CHRNG: variants seen among roughly 807,000 people sequenced by gnomAD.
The protein encoded by CHRNG is cholinergic receptor nicotinic gamma subunit, also known as acetylcholine receptor subunit gamma.
CHRNG carries 72 observed loss-of-function variants against 65.2 expected under a neutral mutation model. That is an observed-to-expected ratio of 1.10 (90% CI 0.91 to 1.34). The LOEUF is 1.34. CHRNG is among the 40% of genes most tolerant of loss of function. CHRNG has a pLI of 0.00. For synonymous variants in CHRNG, 284 were observed against 290.2 expected, an observed-to-expected ratio of 0.98 and a Z score of 0.22; for missense variants, 637 against 680.1, an observed-to-expected ratio of 0.94 and a Z score of 0.70.
Position 232,541,396 on chromosome 2 carries a change from G to A in CHRNG, c.373G>A (p.Ala125Thr). 1 of 1,614,058 alleles carries A rather than the reference G, an allele frequency of 6.2e-7. No homozygotes were observed. Among genetic ancestry groups the A allele is most frequent in the Non-Finnish European group, 8.5e-7 (1 of 1,179,986 alleles). ...ENNVDGVFEV[A>T]LYCNVLVSPD... is the part of the protein sequence containing the mutation. The stretch of plus-strand genomic sequence containing the variant: ...CAGCGTGGACGGTGTCTTCGAGGTG[G>A]CCCTCTACTGCAATGTGCTCGTGTC... The change falls in exon 5 of 12, where the codon GCC (alanine) becomes ACC (threonine). Residue 125 changes from alanine to threonine, a missense_variant. Coordinates refer to ENST00000651502, the MANE Select transcript of CHRNG (RefSeq NM_005199.5). This position sits in a 1 kb window ranked among gnomAD's most constrained non-coding sequence, Gnocchi z 4.0.
intron 8 of CHRNG, 81 bp downstream of exon 8, chr2:232,543,470 C>A (rs1330674440): frequency 8.1e-7 from 1 of 1,241,676 alleles, no homozygotes; most frequent in Non-Finnish European, 1.2e-6. Flanking sequence ...TGCCCTCTTG[C>A]CCTCCATCCA....
At position 232,544,355 on chromosome 2, in the gene CHRNG, C is replaced by G. The variant is rs769284436; in HGVS notation, c.1036-12C>G. On this transcript the variant is annotated splice_polypyrimidine_tract_variant and intron_variant, in intron 9 of 11. Transcript: ENST00000651502. ...TCGGCCTGCTGCCCTAGTGAAGCCA[C>G]CCCCTCTCTAGGTGTTCCTGAGGCT... is the stretch of plus-strand genomic sequence containing the variant. 2 of 1,606,010 alleles carry G rather than the reference C, an allele frequency of 1.2e-6. No homozygotes were observed. The highest frequency in any genetic ancestry group is 1.1e-5 in the South Asian group (1 of 90,962).
chr2:232,541,472 G>A lies in CHRNG; in HGVS notation c.449G>A (p.Cys150Tyr). ...WLPPAIFRSA[C>Y]SISVTYFPFD... ...CCGCCTGCCATCTTCCGTTCCGCCT[G>A]CTCTATCTCAGTCACCTACTTCCCC... Residue 150 changes from cysteine to tyrosine, a missense_variant, in exon 5 of 12, where the codon TGC becomes TAC. By Grantham distance (194) the Cys-to-Tyr change is radical. Coordinates refer to ENST00000651502, the MANE Select transcript of CHRNG (RefSeq NM_005199.5). This position sits in a 1 kb window ranked among gnomAD's most constrained non-coding sequence, Gnocchi z 4.0. 1 of 1,614,142 alleles carries A rather than the reference G, an allele frequency of 6.2e-7. No individual in the cohort carries two copies. The highest frequency in any genetic ancestry group is 8.5e-7 in the Non-Finnish European group (1 of 1,179,988).
Position 232,542,916 on chromosome 2 carries a change from C to T in CHRNG, c.639C>T (p.Ala213=). 6.2e-7 allele frequency: 1 copy of T among 1,614,164 alleles called. No homozygotes were observed. The highest frequency in any genetic ancestry group is 8.5e-7 in the Non-Finnish European group (1 of 1,180,018). ...NGEWAIQHRP[A]KMLLDPAAPA... ...AGTGGGCCATCCAGCACCGACCAGCCAAGATGCTCCTGGACCCAGCGGCGC... is the reference window on the plus strand; with the variant it reads ...AGTGGGCCATCCAGCACCGACCAGCTAAGATGCTCCTGGACCCAGCGGCGC... Residue 213 remains alanine (A), a synonymous_variant, in exon 7 of 12, where the codon GCC becomes GCT. Coordinates refer to ENST00000651502, the MANE Select transcript of CHRNG (RefSeq NM_005199.5).
rs780703045 is a variant in CHRNG, at chr2:232,540,759, T to G, written c.350+48T>G. On this transcript the variant is annotated intron_variant, in intron 4 of 11. Transcript: ENST00000651502. The surrounding 1 kb of genome is among the most constrained non-coding windows in gnomAD (Gnocchi z 4.2). ...GGTGTGGGGGACAAAGGACACAGGGTCTGGGCCCAGCAGAACAAGGCACTC... is the reference window on the plus strand; with the variant it reads ...GGTGTGGGGGACAAAGGACACAGGGGCTGGGCCCAGCAGAACAAGGCACTC... The G allele has an allele frequency of 6.6e-7, 1 of 1,525,816 alleles. No individual in the cohort carries two copies. Among genetic ancestry groups the G allele is most frequent in the African/African-American group, 1.4e-5 (1 of 73,082 alleles). The allele number at this position is 1,525,816 out of a possible 1,614,324, so 94.5% of individuals were successfully genotyped here.
At chr2:232,542,286 T>G in intron 5 of CHRNG, 137 bp from the exon 6 acceptor site, 1 of 690,536 alleles carries the variant, frequency 1.4e-6, no homozygotes. Flanking sequence ...CCAGTGGGGT[T>G]TTATAGAGAA....
Position 232,544,891 on chromosome 2 carries a change from C to T in CHRNG, c.1369C>T (p.His457Tyr), listed in dbSNP as rs1273274839. 1 of 1,613,808 alleles carries T rather than the reference C, an allele frequency of 6.2e-7. No individual in the cohort carries two copies. The highest frequency in any genetic ancestry group is 1.3e-5 in the African/African-American group (1 of 74,886). ...LIACARHQQS[H>Y]FDNGNEEWFL... ...TGCCTGTGCCCGGCACCAGCAGAGT[C>T]ACTTTGACAATGTAAGCTGAGTCAG... Residue 457 changes from histidine to tyrosine, a missense_variant, in exon 11 of 12, where the codon CAC becomes TAC. Coordinates refer to ENST00000651502, the MANE Select transcript of CHRNG (RefSeq NM_005199.5).
At chr2:232,542,836 A>T in intron 6 of CHRNG, 46 bp from the exon 7 acceptor site, 1 of 1,542,376 alleles carries the variant, frequency 6.5e-7, no homozygotes, top group Non-Finnish European at 8.9e-7. Flanking sequence ...GGATCTGCCT[A>T]GCTCACGCTT....
rs2106225173 is a variant in CHRNG, at chr2:232,548,003, GT to G, written c.*2290del. The G allele has an allele frequency of 2.1e-6, 1 of 471,524 alleles. No individual in the cohort carries two copies. Among genetic ancestry groups the G allele is most frequent in the Non-Finnish European group, 3.7e-6 (1 of 270,060 alleles). The allele number at this position is 471,524 out of a possible 1,614,324, so 29.2% of individuals were successfully genotyped here. A position where few individuals can be genotyped will look rare whatever the true frequency, so the allele number is the denominator to read the frequency against. On this transcript the variant is annotated 3_prime_UTR_variant, in exon 12 of 12. Coordinates refer to ENST00000651502, the MANE Select transcript of CHRNG (RefSeq NM_005199.5). ...GTTTCCCAATGCATATAAAAGTTAT[GT>G]TTACACTATACTGTAGACCAGCAAG... is the stretch of plus-strand genomic sequence containing the variant.
chr2:232,546,835 T>C lies in CHRNG; in HGVS notation c.*1119T>C, dbSNP rs1692142436. ...CTACGGCCTGAAAAACAGGCCCTTC[T>C]TCCCAAAGGATGGTTAAGACAAGGA... On this transcript the variant is annotated 3_prime_UTR_variant, in exon 12 of 12. Transcript: ENST00000651502. Among the ~76,000 whole-genome samples, 1 of 152,200 alleles carries C rather than the reference T, an allele frequency of 6.6e-6. No homozygotes were observed. Among genetic ancestry groups the C allele is most frequent in the Non-Finnish European group, 1.5e-5 (1 of 68,038 alleles).
At chr2:232,542,776 G>A (rs1299988204) in intron 6 of CHRNG, 106 bp from the exon 7 acceptor site, 3 of 1,002,686 alleles carry the variant, frequency 3.0e-6, no homozygotes, top group East Asian at 2.6e-5. Flanking sequence ...TCCCCTGCTG[G>A]TGCTCCTTAG....
chr2:232,544,059 C>G (rs1368012579), intron 9 of CHRNG, among the ~76,000 whole-genome samples: 1 of 152,210 alleles, frequency 6.6e-6, no homozygotes, highest in African/African-American at 2.4e-5. Context: ...TGTAGCCCAC[C>G]TGCAGCCTTC....
At position 232,541,923 on chromosome 2, in the gene CHRNG, C is replaced by T. The variant is rs989450744; in HGVS notation, c.506+394C>T. 16 of 343,718 alleles carry T rather than the reference C, an allele frequency of 4.7e-5. No homozygotes were observed. The highest frequency in any genetic ancestry group is 9.1e-4 in the Middle Eastern group (1 of 1,100). 21.3% of individuals were successfully genotyped at this position (343,718 alleles called of 1,614,324 possible). ...AGAGGGGCCCTGGCAGGGAATCCAG[C>T]GGAAGCATGTATGCAACCAAGCCAC... On this transcript the variant is annotated intron_variant, in intron 5 of 11. Transcript: ENST00000651502. The surrounding 1 kb of genome is among the most constrained non-coding windows in gnomAD (Gnocchi z 4.0).
intron 9 of CHRNG, 81 bp from the exon 10 acceptor site, chr2:232,544,286 C>T: frequency 9.5e-7 from 1 of 1,050,798 alleles, no homozygotes; most frequent in Non-Finnish European, 1.5e-6. Flanking sequence ...TGGTCCCTAG[C>T]AGCACAAGCC....
In CHRNG at chr2:232,545,813, T is replaced by C. The variant is rs951485221; in HGVS notation, c.*97T>C. On this transcript the variant is annotated 3_prime_UTR_variant, in exon 12 of 12. Transcript: ENST00000651502. ...CCTACTGAGGTCCTAAGTGTGCTCT[T>C]TGGGAAGTGCCCTTCAGGACTGTGT... is the stretch of plus-strand genomic sequence containing the variant. 5 of 1,378,724 alleles carry C rather than the reference T, an allele frequency of 3.6e-6. No individual in the cohort carries two copies. In the East Asian group the frequency reaches 1.1e-4, roughly 32 times the overall value. The allele number at this position is 1,378,724 out of a possible 1,614,324, so 85.4% of individuals were successfully genotyped here. A position where few individuals can be genotyped will look rare whatever the true frequency, so the allele number is the denominator to read the frequency against.
Position 232,545,842 on chromosome 2 carries a change from C to A in CHRNG, c.*126C>A. 1 of 1,082,840 alleles carries A rather than the reference C, an allele frequency of 9.2e-7. No individual in the cohort carries two copies. Among genetic ancestry groups the A allele is most frequent in the Non-Finnish European group, 1.4e-6 (1 of 719,544 alleles). The allele number at this position is 1,082,840 out of a possible 1,614,324, so 67.1% of individuals were successfully genotyped here. On this transcript the variant is annotated 3_prime_UTR_variant, in exon 12 of 12. Transcript: ENST00000651502. ...GAAGTGCCCTTCAGGACTGTGTGAGCCAAACAGCCCTGAGAAAAGCTGGGG... is the reference window on the plus strand; with the variant it reads ...GAAGTGCCCTTCAGGACTGTGTGAGACAAACAGCCCTGAGAAAAGCTGGGG...
chr2:232,540,339 GT>G lies in CHRNG; in HGVS notation c.196-41del. ...GTGGCCTGTGGGGACTGGCACTGAA[GT>G]CGGGGGCTGAGCCCTCCATACTACA... On this transcript the variant is annotated intron_variant, in intron 2 of 11. Coordinates refer to ENST00000651502, the MANE Select transcript of CHRNG (RefSeq NM_005199.5). This position sits in a 1 kb window ranked among gnomAD's most constrained non-coding sequence, Gnocchi z 4.2. The G allele has an allele frequency of 1.2e-6, 2 of 1,613,796 alleles. No homozygotes were observed. The highest frequency in any genetic ancestry group is 1.7e-6 in the Non-Finnish European group (2 of 1,179,744).
intron 6 of CHRNG, among the ~76,000 whole-genome samples, 172 bp downstream of exon 6, chr2:232,542,692 AT>A (rs1295769282): frequency 2.0e-5 from 3 of 152,062 alleles, no homozygotes; most frequent in Non-Finnish European, 4.4e-5. Flanking sequence ...GACTTTCCTC[AT>A]GATAATGTCT....
chr2:232,540,414 T>C lies in CHRNG; in HGVS notation c.229T>C (p.Trp77Arg), dbSNP rs1691992355. ...EREEALTTNV[W>R]IEMQWCDYRL... Reference sequence around the variant, plus strand: ...AGAGGAAGCCCTCACCACCAATGTCTGGATAGAGATGGTAAGAGGCCACCC... The same window carrying C: ...AGAGGAAGCCCTCACCACCAATGTCCGGATAGAGATGGTAAGAGGCCACCC... The change falls in exon 3 of 12, where the codon TGG becomes CGG. Residue 77 changes from tryptophan (W) to arginine (R), a missense_variant. Coordinates refer to ENST00000651502, the MANE Select transcript of CHRNG (RefSeq NM_005199.5). This position sits in a 1 kb window ranked among gnomAD's most constrained non-coding sequence, Gnocchi z 4.2. The C allele has an allele frequency of 1.2e-6, 2 of 1,613,992 alleles. No homozygotes were observed. The highest frequency in any genetic ancestry group is 1.7e-6 in the Non-Finnish European group (2 of 1,179,964).
Sources: allele counts gnomAD v4.1 joint callset (sites outside exome capture counted in the v4.1 genomes callset), GRCh38; gene constraint gnomAD v4.1.1; non-coding constraint Gnocchi (gnomAD v3.1); transcripts MANE v1.5; gene names NCBI Gene and HGNC (gene_info 2026-07-23, HGNC 2026-07-21).